Variants in ZNF679 observed in about 807,000 individuals in gnomAD.
The protein encoded by ZNF679 is hypothetical protein MGC42415.
ZNF679 carries 10 observed loss-of-function variants against 13.4 expected under a neutral mutation model. The ratio of observed to expected loss-of-function variants is 0.75; its 90% confidence interval spans 0.46 to 1.27. The LOEUF is 1.27. ZNF679 is among the 50% of genes most tolerant of loss of function. ZNF679 has a pLI of 0.00. For missense variants in ZNF679, 525 were observed against 477.8 expected (o/e 1.10, Z -0.92); for synonymous variants, 179 against 162.5 (o/e 1.10, Z -0.77).
intron 1 of ZNF679, among the ~76,000 whole-genome samples, chr7:64,234,733 A>G (rs1207101543): frequency 3.3e-5 from 5 of 152,210 alleles, no homozygotes; most frequent in Admixed American, 3.3e-4. Flanking sequence ...GTTCTAAGCC[A>G]CTACATTTGT....
intron 1 of ZNF679, among the ~76,000 whole-genome samples, chr7:64,242,629 A>G (rs1434462667): frequency 6.6e-6 from 1 of 152,200 alleles, no homozygotes; most frequent in African/African-American, 2.4e-5. Context: ...CTCTCCCTAT[A>G]TAAAGGTGAC....
chr7:64,255,329 A>G (rs1318787986), intron 2 of ZNF679, among the ~76,000 whole-genome samples: 2 of 152,194 alleles, frequency 1.3e-5, no homozygotes, highest in Admixed American at 6.5e-5. Context: ...AGGACTAGGT[A>G]TCACCCTCAA....
chr7:64,259,689 A>G (rs568274280), intron 2 of ZNF679, among the ~76,000 whole-genome samples: 1 of 152,282 alleles, frequency 6.6e-6, no homozygotes, highest in East Asian at 1.9e-4. Flanking sequence ...GCACTTTGGG[A>G]GGCCGAGGTG....
intron 1 of ZNF679, among the ~76,000 whole-genome samples, chr7:64,236,915 A>AAAAAAAGAAG (rs1787722933): frequency 7.6e-6 from 1 of 131,208 alleles, no homozygotes; most frequent in African/African-American, 2.8e-5. Flanking sequence ...AAAAAGAAAG[A>AAAAAAAGAAG]AAGAAAGAAG....
At chr7:64,238,562 A>G (rs900822340) in intron 1 of ZNF679, among the ~76,000 whole-genome samples, 3 of 152,022 alleles carry the variant, frequency 2.0e-5, no homozygotes, top group African/African-American at 7.2e-5. Flanking sequence ...TAATCTTTGT[A>G]TTGTTAGTAG....
chr7:64,266,269 C>A lies in ZNF679; in HGVS notation c.636C>A (p.Tyr212Ter). Reference protein sequence around the residue: ...HQIIHTRENSYQCEECGKPFN... With the variant: ...HQIIHTRENS The stretch of plus-strand genomic sequence containing the variant: ...TAATTCATACTAGGGAGAATTCCTA[C>A]CAATGTGAAGAATGCGGCAAACCCT... Residue 212 changes from tyrosine (Y) to a stop codon, truncating the protein, a stop_gained, in exon 5 of 5, where the codon TAC becomes TAA. Transcript: ENST00000421025. LOFTEE classifies it low-confidence loss of function (END_TRUNC). 1 of 1,592,600 alleles carries A rather than the reference C, an allele frequency of 6.3e-7. No individual in the cohort carries two copies. Among genetic ancestry groups the A allele is most frequent in the Non-Finnish European group, 8.6e-7 (1 of 1,168,636 alleles).
At chr7:64,251,785 G>C (rs1241115020) in intron 2 of ZNF679, among the ~76,000 whole-genome samples, 1 of 152,194 alleles carries the variant, frequency 6.6e-6, no homozygotes, top group African/African-American at 2.4e-5. Context: ...TTCTTTTAGA[G>C]AACAGCACAT....
chr7:64,240,438 T>G (rs982780807), intron 1 of ZNF679, among the ~76,000 whole-genome samples: 15 of 152,204 alleles, frequency 9.9e-5, no homozygotes, highest in African/African-American at 3.6e-4. Flanking sequence ...GGCAAGGTCC[T>G]GGGTCTCCTA....
At chr7:64,238,353 C>G (rs187399687) in intron 1 of ZNF679, among the ~76,000 whole-genome samples, 3 of 152,062 alleles carry the variant, frequency 2.0e-5, no homozygotes, top group African/African-American at 7.2e-5. Context: ...AACTTTGAGA[C>G]GTATGTAGCT....
At chr7:64,259,032 C>T (rs762644695) in intron 2 of ZNF679, among the ~76,000 whole-genome samples, 78 of 152,042 alleles carry the variant, frequency 5.1e-4, no homozygotes, top group Non-Finnish European at 1.0e-3. Flanking sequence ...CTGCCTCAGC[C>T]TCTCTAGTAT....
At chr7:64,236,944 A>G (rs887045723) in intron 1 of ZNF679, among the ~76,000 whole-genome samples, 11 of 49,748 alleles carry the variant, frequency 2.2e-4, no homozygotes, top group African/African-American at 1.2e-3. Context: ...AAAGAAAGAA[A>G]GAAAGAAAGA....
Position 64,260,206 on chromosome 7 carries a change from G to GTTT in ZNF679, c.40-13_40-12insTTT, listed in dbSNP as rs746004007. On this transcript the variant is annotated splice_polypyrimidine_tract_variant and intron_variant, in intron 2 of 4. Transcript: ENST00000421025. ...TGTTCATGAGTGTTTTTTTGTTGTT[G>GTTT]TTATTGTTTTTCAGGGACTGTTGAC... is the stretch of plus-strand genomic sequence containing the variant. The GTTT allele has an allele frequency of 1.3e-6, 2 of 1,586,368 alleles. No homozygotes were observed. Among genetic ancestry groups the GTTT allele is most frequent in the Non-Finnish European group, 1.7e-6 (2 of 1,170,902 alleles).
chr7:64,258,234 G>A (rs1016328609), intron 2 of ZNF679, among the ~76,000 whole-genome samples: 13 of 152,070 alleles, frequency 8.5e-5, no homozygotes, highest in African/African-American at 1.2e-4. Context: ...TGCAAGTCTC[G>A]GTCTTTCTGC....
intron 2 of ZNF679, among the ~76,000 whole-genome samples, chr7:64,258,761 G>T (rs1361691199): frequency 6.6e-6 from 1 of 151,126 alleles, no homozygotes; most frequent in Non-Finnish European, 1.5e-5. Context: ...TTCGGAACAT[G>T]CATATGTTTA....
rs1236087287 is a variant in ZNF679 at position 64,260,714 on chromosome 7, T to C, written c.167-120T>C. The C allele has an allele frequency of 2.7e-6, 3 of 1,123,218 alleles. No individual in the cohort carries two copies. The South Asian group carries it at 5.9e-5, about 22-fold the overall frequency. 69.6% of individuals were successfully genotyped at this position (1,123,218 alleles called of 1,614,324 possible). ...TTTCTAAATAGTTAAAAAGTTCTGT[T>C]ATGAATCAATATTAATTTTCTAGAA... On this transcript the variant is annotated intron_variant, in intron 3 of 4. Transcript: ENST00000421025.
intron 2 of ZNF679, among the ~76,000 whole-genome samples, chr7:64,259,825 A>G (rs1456581203): frequency 1.3e-5 from 2 of 151,888 alleles, no homozygotes; most frequent in South Asian, 2.1e-4. Context: ...CTACTTGGGA[A>G]GCTGAGGCAG....
intron 2 of ZNF679, 45 bp from the exon 3 acceptor site, chr7:64,260,176 T>C (rs748677850): frequency 1.9e-6 from 3 of 1,541,046 alleles, no homozygotes; most frequent in Non-Finnish European, 2.6e-6. Context: ...TAGTAAGTGT[T>C]TGTGTGTTCA....
rs751885507 is a variant in ZNF679 at position 64,266,540 on chromosome 7, A to C, written c.907A>C (p.Lys303Gln). 1 of 1,612,498 alleles carries C rather than the reference A, an allele frequency of 6.2e-7. No individual in the cohort carries two copies. The highest frequency in any genetic ancestry group is 8.5e-7 in the Non-Finnish European group (1 of 1,178,764). Residue 303 changes from lysine (K) to glutamine (Q), a missense_variant, in exon 5 of 5, where the codon AAA becomes CAA. By Grantham distance (53) the Lys-to-Gln change is moderately conservative. Transcript: ENST00000421025. ...ACCATACACATGTGAAGAATGTGGC[A>C]AAGCCTTTAGCTTATCCTCATCCCT... ...EKPYTCEECG[K>Q]AFSLSSSLTY...
chr7:64,256,524 C>T (rs776005434), intron 2 of ZNF679, among the ~76,000 whole-genome samples: 12 of 152,030 alleles, frequency 7.9e-5, no homozygotes, highest in Admixed American at 2.6e-4. Flanking sequence ...CAAATTTATA[C>T]GCTCTCCAGC....
Sources: gnomAD v4.1 joint callset for allele counts (sites outside exome capture counted in the v4.1 genomes callset) on GRCh38, gnomAD v4.1.1 for gene constraint, MANE v1.5 for transcripts, NCBI Gene and HGNC (gene_info 2026-07-23, HGNC 2026-07-21) for gene names.